MMP26: variants seen among roughly 807,000 people sequenced by gnomAD.
MMP26 encodes the protein matrix metallopeptidase 26, also known as matrix metalloproteinase-26.
MMP26 carries 33 observed loss-of-function variants against 31.0 expected under a neutral mutation model. That is an observed-to-expected ratio of 1.06 (90% CI 0.81 to 1.42). MMP26 has a LOEUF of 1.42. Ranked by LOEUF, MMP26 falls within the 40% of genes most tolerant of loss-of-function variation. MMP26 has a pLI of 0.00. For synonymous variants in MMP26, 122 were observed against 114.9 expected (o/e 1.06, Z -0.40); for missense variants, 347 against 316.1 (o/e 1.10, Z -0.74).
At chr11:4,726,344 TC>T (rs139561413) in intron 1 of MMP26, among the ~76,000 whole-genome samples, 4,536 of 151,830 alleles carry the variant, frequency 0.03, 84 homozygotes, top group Middle Eastern at 0.048. Context: ...GTGCCTGTAG[TC>T]CCAGCTACTC....
At chr11:4,841,376 T>C (rs555304739) in intron 2 of MMP26, among the ~76,000 whole-genome samples, 83 of 152,132 alleles carry the variant, frequency 5.5e-4, no homozygotes, top group African/African-American at 2.0e-3. Context: ...CATTTAATAA[T>C]CAAATTCCCC....
rs572122199 is a variant in MMP26, at chr11:4,855,751, A to G, written c.-145+88410A>G. Among the ~76,000 whole-genome samples the G allele has an allele frequency of 1.1e-4, 16 of 152,242 alleles. No individual in the cohort carries two copies. The East Asian group carries it at 2.9e-3, about 28-fold the overall frequency. The stretch of plus-strand genomic sequence containing the variant: ...ACAATGATACTCCTCGAGAAGAGCA[A>G]CTCCAAGACACATAACTGTCAGATT... On this transcript the variant is annotated intron_variant, in intron 2 of 7. Coordinates refer to ENST00000380390, the MANE Select transcript of MMP26 (RefSeq NM_021801.5).
chr11:4,814,745 C>A (rs1849397570), intron 2 of MMP26, among the ~76,000 whole-genome samples: 1 of 152,078 alleles, frequency 6.6e-6, no homozygotes, highest in Non-Finnish European at 1.5e-5. Flanking sequence ...GTAATCTCAT[C>A]CACCGTATTA....
At chr11:4,815,099 T>G (rs1849403202) in intron 2 of MMP26, among the ~76,000 whole-genome samples, 1 of 152,176 alleles carries the variant, frequency 6.6e-6, no homozygotes, top group Admixed American at 6.5e-5. Context: ...GAGACAAAAG[T>G]TGCATTCTTT....
At chr11:4,934,893 C>A (rs1391366767) in intron 2 of MMP26, among the ~76,000 whole-genome samples, 1 of 151,128 alleles carries the variant, frequency 6.6e-6, no homozygotes, top group African/African-American at 2.4e-5. Flanking sequence ...TGTAGGTATG[C>A]GGCGTTATTT....
chr11:4,736,600 A>G (rs1416672384), intron 1 of MMP26: 1 of 152,210 alleles, frequency 6.6e-6, no homozygotes. Context: ...TGGCAGAAGG[A>G]CATGTTTAAG....
At chr11:4,991,567 T>C in intron 6 of MMP26, 71 bp downstream of exon 6, 2 of 1,574,308 alleles carry the variant, frequency 1.3e-6, no homozygotes, top group Non-Finnish European at 1.7e-6. Flanking sequence ...TGGTTTCCAT[T>C]TAGGGATCCA....
At chr11:4,915,688 T>A in intron 2 of MMP26, 1 of 1,560,746 alleles carries the variant, frequency 6.4e-7, no homozygotes, top group South Asian at 1.2e-5. Flanking sequence ...AGGGGGAAGG[T>A]GGGTGCCCTC....
intron 2 of MMP26, among the ~76,000 whole-genome samples, chr11:4,861,059 T>TTATA (rs556563428): frequency 0.018 from 1,657 of 92,242 alleles, 29 homozygotes; most frequent in African/African-American, 0.044. Flanking sequence ...TATAAGGGTA[T>TTATA]TATATATATA....
At chr11:4,940,414 C>G (rs1028058499) in intron 2 of MMP26, among the ~76,000 whole-genome samples, 2 of 152,220 alleles carry the variant, frequency 1.3e-5, no homozygotes, top group African/African-American at 2.4e-5. Flanking sequence ...AACATTTAGT[C>G]CATCCTTTCA....
intron 2 of MMP26, among the ~76,000 whole-genome samples, chr11:4,968,689 C>A (rs909084569): frequency 6.6e-6 from 1 of 151,830 alleles, no homozygotes; most frequent in Non-Finnish European, 1.5e-5. Context: ...TAAGAGCAGA[C>A]AAATAATCCA....
At chr11:4,882,213 T>C (rs1251898873) in intron 2 of MMP26, 1 of 1,614,002 alleles carries the variant, frequency 6.2e-7, no homozygotes, top group Admixed American at 1.7e-5. Flanking sequence ...CAAATGTTCT[T>C]TGTGCATGCT....
intron 2 of MMP26, chr11:4,878,049 G>A (rs1263811754): frequency 6.6e-6 from 1 of 152,144 alleles, no homozygotes; most frequent in African/African-American, 2.4e-5. Flanking sequence ...TCACCCAACA[G>A]AAGGCAAACA....
intron 1 of MMP26, chr11:4,712,231 G>T (rs1402170981): frequency 1.3e-5 from 2 of 152,144 alleles, no homozygotes; most frequent in African/African-American, 4.8e-5. Context: ...ATAAAACAGT[G>T]AATGGGGAAG....
intron 2 of MMP26, among the ~76,000 whole-genome samples, chr11:4,931,857 T>C (rs1465866813): frequency 6.6e-6 from 1 of 151,944 alleles, no homozygotes; most frequent in South Asian, 2.1e-4. Context: ...TGGCAAATAA[T>C]AGGAATAATT....
chr11:4,802,589 G>T (rs1040708376), intron 2 of MMP26, among the ~76,000 whole-genome samples: 5 of 151,940 alleles, frequency 3.3e-5, no homozygotes, highest in African/African-American at 1.2e-4. Flanking sequence ...ACATCACACT[G>T]TATCACATAA....
At chr11:4,831,597 T>G (rs576209592) in intron 2 of MMP26, among the ~76,000 whole-genome samples, 1 of 152,350 alleles carries the variant, frequency 6.6e-6, no homozygotes, top group Admixed American at 6.5e-5. Context: ...TGAGTTTGAC[T>G]CTGCATTACA....
chr11:4,786,493 CTTTTTTTTTTTTTTT>C (rs66987352), intron 2 of MMP26, among the ~76,000 whole-genome samples: 9 of 60,364 alleles, frequency 1.5e-4, no homozygotes, highest in Middle Eastern at 7.6e-3. Flanking sequence ...TCTGCTGATC[CTTTTTTTTTTTTTTT>C]TTTTTTTTTT....
At chr11:4,986,009 G>C (rs913195137) in intron 2 of MMP26, among the ~76,000 whole-genome samples, 5 of 152,062 alleles carry the variant, frequency 3.3e-5, no homozygotes, top group African/African-American at 1.2e-4. Flanking sequence ...TTTTAATGTT[G>C]TCTATTCTGT....
Sources: gnomAD v4.1 joint callset for allele counts (sites outside exome capture counted in the v4.1 genomes callset) on GRCh38, gnomAD v4.1.1 for gene constraint, MANE v1.5 for transcripts, NCBI Gene and HGNC (gene_info 2026-07-23, HGNC 2026-07-21) for gene names.